The following ARHGAP6 variants were observed in gnomAD, a reference collection of about 807,000 sequenced individuals.
ARHGAP6 encodes Rho GTPase activating protein 6.
Under a neutral mutation model 55.7 loss-of-function variants are expected in ARHGAP6, and 16 were observed. The ratio of observed to expected loss-of-function variants is 0.29; its 90% confidence interval spans 0.19 to 0.44. ARHGAP6 has a LOEUF of 0.44. Ranked by LOEUF, ARHGAP6 falls within the 20% of genes least tolerant of loss-of-function variation. The pLI, the probability that ARHGAP6 is intolerant of heterozygous loss-of-function variation, is 1.00. For missense variants in ARHGAP6, 698 were observed against 808.9 expected (o/e 0.86, Z 1.66); for synonymous variants, 382 against 360.9 (o/e 1.06, Z -0.66).
At chrX:11,386,992 A>G (rs1288486191) in intron 1 of ARHGAP6, among the ~76,000 whole-genome samples, 1 of 112,419 alleles carries the variant, frequency 8.9e-6, no homozygotes, top group Non-Finnish European at 1.9e-5. Flanking sequence ...GTCATGGATT[A>G]AGTAGACTGA....
At chrX:11,410,788 C>T (rs1047980236) in intron 1 of ARHGAP6, among the ~76,000 whole-genome samples, 3 of 110,936 alleles carry the variant, frequency 2.7e-5, no homozygotes, top group Non-Finnish European at 5.7e-5. Context: ...TCTCGCAAGA[C>T]AGTCTTACTG....
chrX:11,409,980 T>TG (rs1292656029), intron 1 of ARHGAP6, among the ~76,000 whole-genome samples: 1 of 111,881 alleles, frequency 8.9e-6, no homozygotes, highest in African/African-American at 3.3e-5. Flanking sequence ...CAACAAGTAC[T>TG]GGTAAGGATG....
intron 9 of ARHGAP6, among the ~76,000 whole-genome samples, chrX:11,168,888 A>T (rs1345204013): frequency 1.8e-5 from 2 of 112,422 alleles, no homozygotes; most frequent in African/African-American, 6.5e-5. Context: ...TGCCTGCCAG[A>T]TGGAGGGCTT....
At chrX:11,198,563 C>A (rs1311082448) in intron 2 of ARHGAP6, among the ~76,000 whole-genome samples, 1 of 112,018 alleles carries the variant, frequency 8.9e-6, no homozygotes, top group Non-Finnish European at 1.9e-5. Context: ...AACAAAAATT[C>A]TTTCATTTCA....
intron 1 of ARHGAP6, among the ~76,000 whole-genome samples, chrX:11,613,783 G>A (rs1282117748): frequency 8.9e-6 from 1 of 112,395 alleles, no homozygotes; most frequent in African/African-American, 3.2e-5. Flanking sequence ...GTCAATGGTT[G>A]GTGCTGTTTG....
At chrX:11,195,008 A>G (rs1235503601) in intron 3 of ARHGAP6, among the ~76,000 whole-genome samples, 4 of 112,332 alleles carry the variant, frequency 3.6e-5, no homozygotes, top group Non-Finnish European at 7.5e-5. Context: ...ACATAAAGTG[A>G]AAATAAATGC....
intron 2 of ARHGAP6, among the ~76,000 whole-genome samples, chrX:11,209,423 G>A (rs1315630747): frequency 8.9e-6 from 1 of 112,182 alleles, no homozygotes; most frequent in Non-Finnish European, 1.9e-5. Context: ...GGGATTACAG[G>A]TGTGAGCCAC....
At chrX:11,356,853 G>T (rs2048936442) in intron 1 of ARHGAP6, among the ~76,000 whole-genome samples, 1 of 111,697 alleles carries the variant, frequency 9.0e-6, no homozygotes, top group African/African-American at 3.3e-5. Context: ...TTATACTAAA[G>T]AAAATTGAGA....
At chrX:11,141,874 T>A (rs2045624404) in intron 12 of ARHGAP6, among the ~76,000 whole-genome samples, 1 of 112,486 alleles carries the variant, frequency 8.9e-6, no homozygotes, top group Non-Finnish European at 1.9e-5. Context: ...ATTACAACAA[T>A]AACAAAAAAT....
intron 1 of ARHGAP6, among the ~76,000 whole-genome samples, chrX:11,465,601 G>C (rs1362097547): frequency 8.9e-6 from 1 of 112,018 alleles, no homozygotes; most frequent in Non-Finnish European, 1.9e-5. Context: ...ATTTTCATTA[G>C]AAATACTTGA....
rs150992324 is a variant in ARHGAP6 at position 11,610,719 on chromosome X, A to G, written c.588+53522T>C. On this transcript the variant is annotated intron_variant, in intron 1 of 12. Transcript: ENST00000337414. ...CATATGATAAAATTCAGAGGTTTTT[A>G]GTATTTTCACAGGGTTGTGCCACCA... 3.8e-3 allele frequency among the ~76,000 whole-genome samples: 428 copies of G among 112,454 alleles called. 1 individual carries two copies. Among genetic ancestry groups the G allele is most frequent in the African/African-American group, 0.012 (379 of 30,986 alleles).
chrX:11,224,773 GT>G (rs1011119899), intron 2 of ARHGAP6, among the ~76,000 whole-genome samples: 2 of 110,703 alleles, frequency 1.8e-5, no homozygotes, highest in Admixed American at 1.9e-4. Flanking sequence ...TGGGTGTTGG[GT>G]CCCTACAGAT....
chrX:11,555,796 T>C (rs982666810), intron 1 of ARHGAP6, among the ~76,000 whole-genome samples: 4 of 110,909 alleles, frequency 3.6e-5, no homozygotes, highest in Middle Eastern at 4.2e-3. Flanking sequence ...GGGGAAAGCA[T>C]TCCAGGCAGA....
At chrX:11,392,876 C>T (rs923691221) in intron 1 of ARHGAP6, among the ~76,000 whole-genome samples, 2 of 111,833 alleles carry the variant, frequency 1.8e-5, no homozygotes, top group Non-Finnish European at 3.8e-5. Flanking sequence ...ATTTAACCCA[C>T]CAGTATCTAA....
intron 2 of ARHGAP6, among the ~76,000 whole-genome samples, chrX:11,202,455 A>G (rs1182861511): frequency 9.0e-6 from 1 of 111,075 alleles, no homozygotes; most frequent in African/African-American, 3.3e-5. Flanking sequence ...CAGAGGATGG[A>G]TAGTTACCTT....
chrX:11,300,930 T>G (rs2048166239), intron 1 of ARHGAP6, among the ~76,000 whole-genome samples: 1 of 112,135 alleles, frequency 8.9e-6, no homozygotes, highest in African/African-American at 3.2e-5. Flanking sequence ...TAAATTATAC[T>G]GTCTCAAATC....
intron 2 of ARHGAP6, among the ~76,000 whole-genome samples, chrX:11,230,487 C>G (rs889595303): frequency 9.0e-6 from 1 of 111,317 alleles, no homozygotes; most frequent in Non-Finnish European, 1.9e-5. Flanking sequence ...TGAGCCACCG[C>G]GCCCGGCCAA....
chrX:11,475,592 CACACAA>C (rs1327560029), intron 1 of ARHGAP6, among the ~76,000 whole-genome samples: 14 of 97,930 alleles, frequency 1.4e-4, no homozygotes, highest in Non-Finnish European at 2.2e-4. Context: ...CACACACACA[CACACAA>C]ACACACACAC....
Position 11,217,078 on chromosome X carries a change from A to G in ARHGAP6, c.749-20082T>C, listed in dbSNP as rs181848838. Among the ~76,000 whole-genome samples the G allele has an allele frequency of 4.3e-3, 483 of 112,062 alleles. 2 individuals are homozygous for G. Among genetic ancestry groups the G allele is most frequent in the Non-Finnish European group, 6.9e-3 (367 of 53,207 alleles). ...TTTAATGGCTGCATAGTATTCCATG[A>G]TGTATATATGCCACATTTTCTTTAT... On this transcript the variant is annotated intron_variant, in intron 2 of 12. Transcript: ENST00000337414.
Sources: allele counts gnomAD v4.1 joint callset (sites outside exome capture counted in the v4.1 genomes callset), GRCh38; gene constraint gnomAD v4.1.1; transcripts MANE v1.5; gene names NCBI Gene and HGNC (gene_info 2026-07-23, HGNC 2026-07-21).